FBXL7: variants seen among roughly 807,000 people sequenced by gnomAD.
The protein encoded by FBXL7 is F-box/LRR-repeat protein 7.
FBXL7 carries 12 observed loss-of-function variants against 38.3 expected under a neutral mutation model. The observed-to-expected ratio is 0.31, with a 90% CI of 0.20 to 0.51. The LOEUF (loss-of-function observed/expected upper bound fraction) is 0.51. Ranked by LOEUF, FBXL7 falls within the 20% of genes least tolerant of loss-of-function variation. The pLI is 0.98. For synonymous variants in FBXL7, 297 were observed against 300.9 expected (o/e 0.99, Z 0.13); for missense variants, 567 against 676.4 (o/e 0.84, Z 1.79).
intron 2 of FBXL7, among the ~76,000 whole-genome samples, chr5:15,920,915 A>G (rs987956308): frequency 6.6e-6 from 1 of 152,152 alleles, no homozygotes; most frequent in Non-Finnish European, 1.5e-5. Flanking sequence ...TCATTAGGAG[A>G]CAGTCCACAA....
intron 2 of FBXL7, among the ~76,000 whole-genome samples, chr5:15,660,659 A>T (rs1414231846): frequency 6.6e-6 from 1 of 152,146 alleles, no homozygotes; most frequent in Non-Finnish European, 1.5e-5. Context: ...TGCCTGGCCC[A>T]TTGTAGATTT....
At chr5:15,671,088 G>T (rs531179622) in intron 2 of FBXL7, among the ~76,000 whole-genome samples, 1 of 152,274 alleles carries the variant, frequency 6.6e-6, no homozygotes, top group East Asian at 1.9e-4. Flanking sequence ...AGTGGTGCAT[G>T]CTGCGTTCCA....
At chr5:15,678,219 C>A (rs527922786) in intron 2 of FBXL7, among the ~76,000 whole-genome samples, 1 of 152,218 alleles carries the variant, frequency 6.6e-6, no homozygotes, top group South Asian at 2.1e-4. Context: ...GAGAGGAAAT[C>A]AAAATTAAAT....
intron 1 of FBXL7, among the ~76,000 whole-genome samples, chr5:15,562,706 C>T (rs1319037608): frequency 6.6e-6 from 1 of 152,014 alleles, no homozygotes; most frequent in Admixed American, 6.6e-5. Context: ...CCCTTCCTCT[C>T]TCCATTCATC....
intron 2 of FBXL7, among the ~76,000 whole-genome samples, chr5:15,841,559 C>G (rs2126784074): frequency 6.6e-6 from 1 of 152,140 alleles, no homozygotes; most frequent in East Asian, 1.9e-4. Flanking sequence ...TTCTTGCATT[C>G]CTGAAATATG....
At chr5:15,650,186 A>G (rs1467193702) in intron 2 of FBXL7, among the ~76,000 whole-genome samples, 1 of 152,204 alleles carries the variant, frequency 6.6e-6, no homozygotes, top group Non-Finnish European at 1.5e-5. Context: ...GGGATATCTT[A>G]GAGATACTGC....
intron 1 of FBXL7, among the ~76,000 whole-genome samples, chr5:15,581,004 AC>A (rs1185616371): frequency 1.3e-5 from 2 of 152,146 alleles, no homozygotes; most frequent in African/African-American, 4.8e-5. Context: ...AGGTTCCAGT[AC>A]CTGGGGACAG....
chr5:15,817,094 A>G (rs1452872221), intron 2 of FBXL7, among the ~76,000 whole-genome samples: 1 of 152,200 alleles, frequency 6.6e-6, no homozygotes, highest in East Asian at 1.9e-4. Flanking sequence ...TAAACTTTGG[A>G]CAAATCGTTT....
At chr5:15,863,874 G>A (rs1190097544) in intron 2 of FBXL7, among the ~76,000 whole-genome samples, 1 of 152,170 alleles carries the variant, frequency 6.6e-6, no homozygotes, top group Non-Finnish European at 1.5e-5. Flanking sequence ...GGAAGCAGCT[G>A]TTGGCCCTCA....
At chr5:15,562,511 CA>C (rs1301447649) in intron 1 of FBXL7, among the ~76,000 whole-genome samples, 1 of 152,032 alleles carries the variant, frequency 6.6e-6, no homozygotes, top group African/African-American at 2.4e-5. Context: ...AAAAGGTGCT[CA>C]ATATCATGAT....
At chr5:15,913,491 G>A (rs776154808) in intron 2 of FBXL7, among the ~76,000 whole-genome samples, 2 of 151,812 alleles carry the variant, frequency 1.3e-5, no homozygotes. Flanking sequence ...TTTTTTTCTC[G>A]TTGAAAGTTG....
chr5:15,805,698 A>T (rs1256647548), intron 2 of FBXL7, among the ~76,000 whole-genome samples: 1 of 152,214 alleles, frequency 6.6e-6, no homozygotes, highest in Non-Finnish European at 1.5e-5. Context: ...CCAGGAGAGA[A>T]GTAATCTATT....
chr5:15,878,417 C>G (rs1740302075), intron 2 of FBXL7, among the ~76,000 whole-genome samples: 1 of 152,158 alleles, frequency 6.6e-6, no homozygotes, highest in Non-Finnish European at 1.5e-5. Flanking sequence ...CCCCAAGTCT[C>G]TCTCCATGTT....
At chr5:15,860,787 G>A (rs1391651126) in intron 2 of FBXL7, among the ~76,000 whole-genome samples, 3 of 152,218 alleles carry the variant, frequency 2.0e-5, no homozygotes, top group Non-Finnish European at 2.9e-5. Context: ...ACTATGGGCC[G>A]AAATAATCAT....
chr5:15,764,538 A>T (rs1736533909), intron 2 of FBXL7, among the ~76,000 whole-genome samples: 1 of 152,184 alleles, frequency 6.6e-6, no homozygotes, highest in South Asian at 2.1e-4. Flanking sequence ...GCCCGTGATG[A>T]GGAGGGATAG....
intron 2 of FBXL7, among the ~76,000 whole-genome samples, chr5:15,661,366 TTCCG>T (rs375722770): frequency 8.0e-5 from 12 of 149,278 alleles, no homozygotes; most frequent in African/African-American, 3.0e-4. Flanking sequence ...TTTTTAGTTC[TTCCG>T]TTCTAAGTTG....
chr5:15,693,261 G>A (rs12153463), intron 2 of FBXL7, among the ~76,000 whole-genome samples: 102,972 of 151,916 alleles, frequency 0.68, 35,236 homozygotes, highest in South Asian at 0.79. Context: ...TGGAATGGGC[G>A]ATGGTGGATG....
Position 15,500,647 on chromosome 5 carries a change from C to G in FBXL7, c.-30C>G. The G allele has an allele frequency of 6.2e-7, 1 of 1,613,428 alleles. No homozygotes were observed. Among genetic ancestry groups the G allele is most frequent in the Non-Finnish European group, 8.5e-7 (1 of 1,179,590 alleles). On this transcript the variant is annotated 5_prime_UTR_variant, in exon 1 of 4. Transcript: ENST00000504595. ...ACGTGCGCCGCAGCTATGGAGTGTCCCGGGAGACGGCGGGCATGACGGCTA... is the reference window on the plus strand; with the variant it reads ...ACGTGCGCCGCAGCTATGGAGTGTCGCGGGAGACGGCGGGCATGACGGCTA...
chr5:15,707,174 GTTTTTTTTT>G lies in FBXL7; in HGVS notation c.127+91117_127+91125del, dbSNP rs71603796. ...AGGTAGTGTTTCTTTTTTTCTTTTCGTTTTTTTTTTTTTTTTTTTTTTTGCAAAGTGAAA... is the reference window on the plus strand; with the variant it reads ...AGGTAGTGTTTCTTTTTTTCTTTTCGTTTTTTTTTTTTTTGCAAAGTGAAA... On this transcript the variant is annotated intron_variant, in intron 2 of 3. Transcript: ENST00000504595. Among the ~76,000 whole-genome samples, 210 of 70,416 alleles carry G rather than the reference GTTTTTTTTT, an allele frequency of 3.0e-3. 1 individual carries two copies. The highest frequency in any genetic ancestry group is 0.023 in the Middle Eastern group (1 of 44). The allele number at this position is 70,416 out of a possible 152,430, so 46.2% of individuals were successfully genotyped here. A position where few individuals can be genotyped will look rare whatever the true frequency, so the allele number is the denominator to read the frequency against.
Sources: gnomAD v4.1 joint callset for allele counts (sites outside exome capture counted in the v4.1 genomes callset) on GRCh38, gnomAD v4.1.1 for gene constraint, MANE v1.5 for transcripts, NCBI Gene and HGNC (gene_info 2026-07-23, HGNC 2026-07-21) for gene names.